Variants in IFT122 observed in about 807,000 individuals in gnomAD.
IFT122 encodes intraflagellar transport protein 122 homolog.
IFT122 carries 118 observed loss-of-function variants against 161.6 expected under a neutral mutation model. The observed-to-expected ratio is 0.73, with a 90% CI of 0.63 to 0.85. The LOEUF (loss-of-function observed/expected upper bound fraction) is 0.85, where lower values mean the gene tolerates loss of function less well. Among genes scored for constraint, IFT122 ranks in the 40% least tolerant of loss-of-function variants. The probability of loss-of-function intolerance (pLI) is 0.00; values close to 1 mark genes in which losing one functional copy is unlikely to be tolerated. For synonymous variants in IFT122, 550 were observed against 602.4 expected (o/e 0.91, Z 1.27); for missense variants, 1,381 against 1,579.6 (o/e 0.87, Z 2.13).
chr3:129,506,427 G>C lies in IFT122; in HGVS notation c.2669G>C (p.Arg890Pro). 1 of 1,614,086 alleles carries C rather than the reference G, an allele frequency of 6.2e-7. No individual in the cohort carries two copies. The highest frequency in any genetic ancestry group is 2.2e-5 in the East Asian group (1 of 44,882). Residue 890 changes from arginine (R) to proline (P), a missense_variant, in exon 22 of 30, where the codon CGA becomes CCA. By Grantham distance (103) the Arg-to-Pro change is moderately radical. Around this residue, in one of 7 missense-constraint regions of IFT122, gnomAD observed 496 missense variants for 502.5 expected, o/e 0.99. Transcript: ENST00000348417. ...EAQKAFHKAG[R>P]QREAVQVLEQ... ...CCTACAGCGTTCCACAAGGCTGGGCGACAGAGAGAAGCGGTCCAGGTGCTG... is the reference window on the plus strand; with the variant it reads ...CCTACAGCGTTCCACAAGGCTGGGCCACAGAGAGAAGCGGTCCAGGTGCTG...
At position 129,519,737 on chromosome 3, in the gene IFT122, G is replaced by A; in HGVS notation, c.3636+5G>A. The stretch of plus-strand genomic sequence containing the variant: ...ATGTGCCCCTCCTGCTTCCAGGTAG[G>A]TGGCCACCCTGGTAGCTCACATGTG... On this transcript the variant is annotated splice_donor_5th_base_variant and intron_variant, in intron 29 of 29. Coordinates refer to ENST00000348417, the MANE Select transcript of IFT122 (RefSeq NM_052989.3). 1.9e-6 allele frequency: 3 copies of A among 1,613,406 alleles called. No individual in the cohort carries two copies. The highest frequency in any genetic ancestry group is 2.2e-5 in the East Asian group (1 of 44,866).
intron 12 of IFT122, 118 bp downstream of exon 12, chr3:129,478,336 A>G: frequency 1.2e-6 from 1 of 822,420 alleles, no homozygotes; most frequent in Non-Finnish European, 2.0e-6. Flanking sequence ...CTGTTCCATC[A>G]AACTAAGTGG....
At chr3:129,486,609 G>A (rs1416377561) in intron 15 of IFT122, among the ~76,000 whole-genome samples, 1 of 152,214 alleles carries the variant, frequency 6.6e-6, no homozygotes, top group Non-Finnish European at 1.5e-5. Flanking sequence ...TGGAAAGGAA[G>A]AGTGGAGCAG....
intron 14 of IFT122, among the ~76,000 whole-genome samples, chr3:129,482,565 G>C (rs2078797602): frequency 6.6e-6 from 1 of 152,130 alleles, no homozygotes. Context: ...AGCAGCCTCA[G>C]TCAATTAGAA....
At chr3:129,470,880 T>A (rs923654985) in intron 9 of IFT122, among the ~76,000 whole-genome samples, 1 of 152,156 alleles carries the variant, frequency 6.6e-6, no homozygotes, top group African/African-American at 2.4e-5. Flanking sequence ...GCTGGAGATG[T>A]GATTATAAAG....
At chr3:129,457,732 GT>G (rs971386664) in intron 3 of IFT122, among the ~76,000 whole-genome samples, 987 of 119,590 alleles carry the variant, frequency 8.3e-3, no homozygotes, top group African/African-American at 8.9e-3. Flanking sequence ...CACAGGAATA[GT>G]TTTTTTTTTT....
At chr3:129,512,273 T>TG in intron 23 of IFT122, 39 bp from the exon 24 acceptor site, 1 of 1,448,676 alleles carries the variant, frequency 6.9e-7, no homozygotes, top group Non-Finnish European at 9.7e-7. Flanking sequence ...CAGCAGCTCT[T>TG]GAAGAACTCA....
chr3:129,449,812 C>T, intron 1 of IFT122, 59 bp from the exon 2 acceptor site: 1 of 1,133,442 alleles, frequency 8.8e-7, no homozygotes, highest in Non-Finnish European at 1.3e-6. Flanking sequence ...CTTTCCTGGC[C>T]ATTAGCAGAC....
At chr3:129,513,851 C>A in intron 24 of IFT122, 1 of 260,106 alleles carries the variant, frequency 3.8e-6, no homozygotes, top group Non-Finnish European at 7.5e-6. Flanking sequence ...GCTCGTCAGC[C>A]TCTGGCTGAG....
intron 9 of IFT122, among the ~76,000 whole-genome samples, chr3:129,474,899 A>T (rs1341307504): frequency 6.6e-6 from 1 of 152,218 alleles, no homozygotes; most frequent in Non-Finnish European, 1.5e-5. Flanking sequence ...TCACACGTGT[A>T]ATCCCAGTGC....
chr3:129,493,927 GA>G, intron 17 of IFT122, among the ~76,000 whole-genome samples: 1 of 152,138 alleles, frequency 6.6e-6, no homozygotes, highest in Non-Finnish European at 1.5e-5. Context: ...ATTGTCTCTT[GA>G]AAAAAAGTAA....
At position 129,440,237 on chromosome 3, in the gene IFT122, A is replaced by G; in HGVS notation, c.-94A>G. Reference sequence around the variant, plus strand: ...GTTGCCAGGGGTAACGCAGGTAGCCAAAGTGGCTTGTGGAGTGGCGACCGT... The same window carrying G: ...GTTGCCAGGGGTAACGCAGGTAGCCGAAGTGGCTTGTGGAGTGGCGACCGT... On this transcript the variant is annotated 5_prime_UTR_variant, in exon 1 of 30. Transcript: ENST00000348417. The G allele has an allele frequency of 1.3e-6, 2 of 1,503,862 alleles. No homozygotes were observed. The highest frequency in any genetic ancestry group is 2.4e-5 in the South Asian group (2 of 83,156). 93.2% of individuals were successfully genotyped at this position (1,503,862 alleles called of 1,614,324 possible).
At chr3:129,459,135 T>A (rs185676989) in intron 4 of IFT122, among the ~76,000 whole-genome samples, 27 of 152,332 alleles carry the variant, frequency 1.8e-4, no homozygotes, top group African/African-American at 6.3e-4. Context: ...CAAATGTCAG[T>A]TTCTTTGTAA....
At position 129,449,894 on chromosome 3, in the gene IFT122, C is replaced by T. The variant is rs1388218932; in HGVS notation, c.65C>T (p.Pro22Leu). 6.2e-7 allele frequency: 1 copy of T among 1,613,372 alleles called. No individual in the cohort carries two copies. Among genetic ancestry groups the T allele is most frequent in the South Asian group, 1.1e-5 (1 of 91,064 alleles). ...EHCINDIAFKPDGTQLILAAG... is the reference protein window; with the variant it reads ...EHCINDIAFKLDGTQLILAAG... ...AGTATAAATGACATCGCATTTAAGCCTGATGGAACTCAACTGATTTTGGCT... is the reference window on the plus strand; with the variant it reads ...AGTATAAATGACATCGCATTTAAGCTTGATGGAACTCAACTGATTTTGGCT... Residue 22 changes from proline to leucine, a missense_variant, in exon 2 of 30, where the codon CCT becomes CTT. This residue lies in a region of IFT122 where 134 missense variants were observed against 137.4 expected (regional missense o/e 0.98). Coordinates refer to ENST00000348417, the MANE Select transcript of IFT122 (RefSeq NM_052989.3).
chr3:129,504,497 C>T, intron 21 of IFT122, 76 bp downstream of exon 21: 1 of 1,141,278 alleles, frequency 8.8e-7, no homozygotes. Context: ...AGGAAGGCTA[C>T]CAAGCCCTTC....
intron 19 of IFT122, among the ~76,000 whole-genome samples, chr3:129,501,395 G>A (rs1307635462): frequency 6.6e-6 from 1 of 152,166 alleles, no homozygotes; most frequent in African/African-American, 2.4e-5. Flanking sequence ...TTCCTTGGGT[G>A]CTGCCATATA....
chr3:129,478,273 C>CA, intron 12 of IFT122, 55 bp downstream of exon 12: 1 of 1,425,368 alleles, frequency 7.0e-7, no homozygotes, highest in Admixed American at 1.7e-5. Context: ...GCTCCCCCCC[C>CA]AGTGATAGGG....
At chr3:129,491,977 G>A (rs1225201661) in intron 16 of IFT122, among the ~76,000 whole-genome samples, 164 bp from the exon 17 acceptor site, 1 of 152,148 alleles carries the variant, frequency 6.6e-6, no homozygotes, top group Admixed American at 6.5e-5. Context: ...ATGCCTCGCT[G>A]GGTGGTATAA....
chr3:129,499,803 C>T (rs1260357035), intron 18 of IFT122, 99 bp from the exon 19 acceptor site: 20 of 1,460,564 alleles, frequency 1.4e-5, no homozygotes, highest in Non-Finnish European at 1.9e-5. Context: ...TTGCCTGCTT[C>T]AGCCATGTGG....
Sources: gnomAD v4.1 joint callset for allele counts (sites outside exome capture counted in the v4.1 genomes callset) on GRCh38, gnomAD v4.1.1 for gene constraint, gnomAD v4.1.1 regional missense constraint, MANE v1.5 for transcripts, NCBI Gene and HGNC (gene_info 2026-07-23, HGNC 2026-07-21) for gene names.